LAMA2: variants seen among roughly 807,000 people sequenced by gnomAD.
LAMA2 encodes laminin subunit alpha-2.
In LAMA2, 269 loss-of-function variants were observed where a neutral mutation model predicts 364.8. The ratio of observed to expected loss-of-function variants is 0.74; its 90% CI spans 0.67 to 0.82. The LOEUF (loss-of-function observed/expected upper bound fraction) is 0.82, where lower values mean the gene tolerates loss of function less well. LAMA2 is among the 40% of genes least tolerant of loss of function. LAMA2 has a pLI of 0.00. For synonymous variants in LAMA2, 1,379 were observed against 1,370.6 expected (o/e 1.01, Z -0.14); for missense variants, 3,807 against 3,873.2 (o/e 0.98, Z 0.45).
At chr6:129,291,793 G>A in intron 20 of LAMA2, 73 bp downstream of exon 20, 1 of 897,968 alleles carries the variant, frequency 1.1e-6, no homozygotes, top group Non-Finnish European at 1.8e-6. Flanking sequence ...GACATGTTTT[G>A]TATACCTTCG....
At chr6:128,896,013 C>G (rs35351239) in intron 1 of LAMA2, among the ~76,000 whole-genome samples, 13,530 of 152,142 alleles carry the variant, frequency 0.089, 614 homozygotes, top group South Asian at 0.12. Flanking sequence ...ACTCAAGGAT[C>G]TATCCTTTGA....
chr6:129,391,580 A>G lies in LAMA2; in HGVS notation c.5161A>G (p.Ile1721Val). 6.2e-7 allele frequency: 1 copy of G among 1,613,864 alleles called. No homozygotes were observed. Among genetic ancestry groups the G allele is most frequent in the Non-Finnish European group, 8.5e-7 (1 of 1,179,758 alleles). The change falls in exon 36 of 65, where the codon ATT becomes GTT. Residue 1721 changes from isoleucine to valine, a missense_variant. Physicochemically the swap from Ile to Val is conservative, Grantham distance 29. This residue lies in a region of LAMA2 where 3,333 missense variants were observed against 3,345.7 expected (regional missense o/e 1.00). Coordinates refer to ENST00000421865, the MANE Select transcript of LAMA2 (RefSeq NM_000426.4). ...AAATTTGGAAGGGCTTCAGAAAGAG[A>G]TTGACCAGATGATTAAAGAACTGAG... is the stretch of plus-strand genomic sequence containing the variant. ...ERNLEGLQKE[I>V]DQMIKELRRK...
chr6:129,229,223 T>C (rs1031452950), intron 12 of LAMA2, among the ~76,000 whole-genome samples: 1 of 152,188 alleles, frequency 6.6e-6, no homozygotes, highest in Admixed American at 6.5e-5. Flanking sequence ...AAGTAGAGCA[T>C]GGAGGGCCTA....
chr6:129,301,952 G>A (rs1773578933), intron 22 of LAMA2, among the ~76,000 whole-genome samples: 1 of 151,966 alleles, frequency 6.6e-6, no homozygotes, highest in Admixed American at 6.6e-5. Flanking sequence ...TTACGTTTTT[G>A]TAATTCATCC....
intron 1 of LAMA2, among the ~76,000 whole-genome samples, chr6:129,035,082 C>T (rs965689886): frequency 3.9e-5 from 6 of 152,110 alleles, no homozygotes; most frequent in African/African-American, 1.4e-4. Flanking sequence ...AGGGGTTGAA[C>T]TAATTTACAT....
chr6:129,457,787 T>A (rs1225377332), intron 48 of LAMA2, among the ~76,000 whole-genome samples: 1 of 152,086 alleles, frequency 6.6e-6, no homozygotes, highest in Admixed American at 6.6e-5. Flanking sequence ...AGCTAAGAAG[T>A]CTGAGATCAA....
At chr6:129,228,855 T>G (rs1784497451) in intron 12 of LAMA2, among the ~76,000 whole-genome samples, 1 of 152,234 alleles carries the variant, frequency 6.6e-6, no homozygotes, top group South Asian at 2.1e-4. Flanking sequence ...ATCCATTATA[T>G]GGTTTTAGAC....
intron 62 of LAMA2, among the ~76,000 whole-genome samples, chr6:129,510,679 GA>G (rs1229682961): frequency 6.6e-6 from 1 of 151,972 alleles, no homozygotes; most frequent in East Asian, 1.9e-4. Flanking sequence ...TAGATACTTA[GA>G]AAAAAAGATT....
chr6:129,509,816 AGGATAGCTGT>A (rs983170053), intron 62 of LAMA2, among the ~76,000 whole-genome samples: 8 of 152,272 alleles, frequency 5.3e-5, no homozygotes, highest in Non-Finnish European at 1.2e-4. Flanking sequence ...CCTTTTGCAT[AGGATAGCTGT>A]GGCTATTCTG....
At chr6:129,221,469 C>T (rs1783851347) in intron 12 of LAMA2, among the ~76,000 whole-genome samples, 1 of 148,190 alleles carries the variant, frequency 6.7e-6, no homozygotes, top group Non-Finnish European at 1.5e-5. Context: ...CAGCTAAAAA[C>T]ATATGGAAGG....
At chr6:129,450,440 C>A (rs1157669126) in intron 45 of LAMA2, among the ~76,000 whole-genome samples, 1 of 152,050 alleles carries the variant, frequency 6.6e-6, no homozygotes, top group East Asian at 1.9e-4. Flanking sequence ...CTGACTCAGC[C>A]TCCTGAGTAG....
intron 60 of LAMA2, among the ~76,000 whole-genome samples, chr6:129,504,695 C>G (rs1049428084): frequency 6.6e-6 from 1 of 152,238 alleles, no homozygotes; most frequent in Admixed American, 6.5e-5. Context: ...TCAGGTTCTG[C>G]AGAAAGTAGT....
At chr6:128,989,546 T>G (rs1186979693) in intron 1 of LAMA2, among the ~76,000 whole-genome samples, 1 of 152,196 alleles carries the variant, frequency 6.6e-6, no homozygotes, top group African/African-American at 2.4e-5. Flanking sequence ...TAAGTGGAGA[T>G]CATTAAAATC....
chr6:129,038,655 G>A (rs1582917785), intron 1 of LAMA2, among the ~76,000 whole-genome samples: 1 of 152,062 alleles, frequency 6.6e-6, no homozygotes, highest in South Asian at 2.1e-4. Flanking sequence ...TATCTCTCTA[G>A]TCTGTGCTTC....
intron 43 of LAMA2, 67 bp from the exon 44 acceptor site, chr6:129,442,996 A>T (rs1238144204): frequency 8.2e-7 from 1 of 1,224,152 alleles, no homozygotes; most frequent in Admixed American, 1.8e-5. Context: ...TATAATATTT[A>T]TAGAAAATAC....
chr6:128,969,150 TGG>T (rs1782033467), intron 1 of LAMA2, among the ~76,000 whole-genome samples: 1 of 152,150 alleles, frequency 6.6e-6, no homozygotes, highest in Admixed American at 6.5e-5. Context: ...GCTAACACCT[TGG>T]CCAGTGAGAA....
intron 1 of LAMA2, among the ~76,000 whole-genome samples, chr6:128,991,241 C>T (rs950373781): frequency 6.6e-6 from 1 of 151,828 alleles, no homozygotes; most frequent in Admixed American, 6.6e-5. Context: ...TCCTTTTTTT[C>T]CCCCTCCGGA....
chr6:129,052,401 G>A (rs557937075), intron 2 of LAMA2, among the ~76,000 whole-genome samples: 2 of 151,546 alleles, frequency 1.3e-5, no homozygotes, highest in African/African-American at 4.8e-5. Context: ...GCCCGCCTCG[G>A]CCTCCCAAAG....
intron 1 of LAMA2, among the ~76,000 whole-genome samples, chr6:128,989,924 C>T (rs1376209003): frequency 6.6e-6 from 1 of 152,088 alleles, no homozygotes; most frequent in Non-Finnish European, 1.5e-5. Flanking sequence ...TGAAAGGGAG[C>T]AAGAGGGACC....
Sources: gnomAD v4.1 joint callset for allele counts (sites outside exome capture counted in the v4.1 genomes callset) on GRCh38, gnomAD v4.1.1 for gene constraint, gnomAD v4.1.1 regional missense constraint, MANE v1.5 for transcripts, NCBI Gene and HGNC (gene_info 2026-07-23, HGNC 2026-07-21) for gene names.